Variants in SDCCAG8 observed in about 807,000 individuals in gnomAD.
SDCCAG8 encodes serologically defined colon cancer antigen 8.
In SDCCAG8, 74 loss-of-function variants were observed where a neutral mutation model predicts 101.8. The ratio of observed to expected loss-of-function variants is 0.73; its 90% CI spans 0.60 to 0.88. The LOEUF is 0.88. Ranked by LOEUF, SDCCAG8 falls within the 40% of genes least tolerant of loss-of-function variation. The pLI is 0.00. For missense variants in SDCCAG8, 787 were observed against 822.6 expected (o/e 0.96, Z 0.53); for synonymous variants, 281 against 292.9 (o/e 0.96, Z 0.41).
chr1:243,266,940 T>C, intron 1 of SDCCAG8, among the ~76,000 whole-genome samples: 1 of 48,394 alleles, frequency 2.1e-5, no homozygotes, highest in Non-Finnish European at 4.4e-5. Context: ...TGCAACTTCG[T>C]CTCAAAAAAA....
chr1:243,290,966 C>T (rs926731008), intron 5 of SDCCAG8, among the ~76,000 whole-genome samples: 6 of 152,162 alleles, frequency 3.9e-5, no homozygotes, highest in African/African-American at 1.4e-4. Flanking sequence ...TTTTGTCCTC[C>T]AAGCTCTTAG....
At chr1:243,464,207 C>T (rs1169387166) in intron 16 of SDCCAG8, among the ~76,000 whole-genome samples, 1 of 152,174 alleles carries the variant, frequency 6.6e-6, no homozygotes, top group African/African-American at 2.4e-5. Context: ...ATGTTGTTCA[C>T]TTAGGTTTTC....
chr1:243,499,808 A>G lies in SDCCAG8; in HGVS notation c.*23A>G. 6.2e-7 allele frequency: 1 copy of G among 1,608,900 alleles called. No homozygotes were observed. The highest frequency in any genetic ancestry group is 8.5e-7 in the Non-Finnish European group (1 of 1,175,850). On this transcript the variant is annotated 3_prime_UTR_variant, in exon 18 of 18. Transcript: ENST00000366541. ...TGACCTGGATGGAACAGAGTGAAAT[A>G]AATGATTTACAAAGAGATATTTACA... is the stretch of plus-strand genomic sequence containing the variant.
intron 16 of SDCCAG8, among the ~76,000 whole-genome samples, chr1:243,468,256 C>T (rs545783577): frequency 1.3e-5 from 2 of 148,562 alleles, no homozygotes; most frequent in Admixed American, 1.3e-4. Flanking sequence ...TCAGCTGTGT[C>T]ACCCAGGCTG....
Position 243,325,386 on chromosome 1 carries a change from GCTTT to G in SDCCAG8, c.1069-5151_1069-5148del, listed in dbSNP as rs540589307. Among the ~76,000 whole-genome samples the G allele has an allele frequency of 3.7e-3, 556 of 151,990 alleles. 1 individual carries two copies. Among genetic ancestry groups the G allele is most frequent in the African/African-American group, 0.013 (524 of 41,416 alleles). On this transcript the variant is annotated intron_variant, in intron 9 of 17. Transcript: ENST00000366541. Reference sequence around the variant, plus strand: ...TATGTTGAAACACACTAGAATTTTTGCTTTCTAAGTGCATTAAAAAGCCAGGTGG... The same window carrying G: ...TATGTTGAAACACACTAGAATTTTTGCTAAGTGCATTAAAAAGCCAGGTGG...
At chr1:243,394,236 T>A (rs1264124586) in intron 13 of SDCCAG8, among the ~76,000 whole-genome samples, 1 of 152,216 alleles carries the variant, frequency 6.6e-6, no homozygotes, top group East Asian at 1.9e-4. Context: ...ATAGGTGGTA[T>A]AACATAGCCA....
chr1:243,261,397 A>C (rs1474323731), intron 1 of SDCCAG8, among the ~76,000 whole-genome samples: 1 of 152,252 alleles, frequency 6.6e-6, no homozygotes, highest in Non-Finnish European at 1.5e-5. Context: ...AGGTACACAG[A>C]AAGTGAGAGG....
At chr1:243,311,966 A>T (rs2072768624) in intron 8 of SDCCAG8, among the ~76,000 whole-genome samples, 1 of 152,236 alleles carries the variant, frequency 6.6e-6, no homozygotes, top group Admixed American at 6.5e-5. Flanking sequence ...TTAGCCTCTT[A>T]AAGTAAATGT....
intron 12 of SDCCAG8, among the ~76,000 whole-genome samples, chr1:243,356,195 A>G (rs1259426588): frequency 6.6e-6 from 1 of 152,210 alleles, no homozygotes; most frequent in Non-Finnish European, 1.5e-5. Flanking sequence ...AAATATCTGT[A>G]TGTATTTTTA....
intron 16 of SDCCAG8, among the ~76,000 whole-genome samples, chr1:243,472,923 A>C (rs904062734): frequency 2.6e-5 from 4 of 152,246 alleles, no homozygotes; most frequent in African/African-American, 9.6e-5. Flanking sequence ...TCCACCAGAA[A>C]TTTCAGATAA....
chr1:243,316,191 G>A (rs1337700521), intron 8 of SDCCAG8, among the ~76,000 whole-genome samples: 2 of 152,228 alleles, frequency 1.3e-5, no homozygotes, highest in Admixed American at 6.5e-5. Context: ...ATAGCCAGGA[G>A]ATTGGAGGAG....
chr1:243,449,580 A>G (rs2083198205), intron 16 of SDCCAG8, among the ~76,000 whole-genome samples: 1 of 152,220 alleles, frequency 6.6e-6, no homozygotes, highest in Non-Finnish European at 1.5e-5. Context: ...TGTTCAAACC[A>G]AATATACTTA....
chr1:243,355,101 C>T lies in SDCCAG8; in HGVS notation c.1473+10770C>T, dbSNP rs139354153. Among the ~76,000 whole-genome samples, 522 of 152,282 alleles carry T rather than the reference C, an allele frequency of 3.4e-3. 2 individuals are homozygous for T. The highest frequency in any genetic ancestry group is 0.011 in the African/African-American group (471 of 41,562). Reference sequence around the variant, plus strand: ...AGAGTTTTCATATTACTCTTCTTAACAGATGGTCAAGTTAATTTAACTCTT... The same window carrying T: ...AGAGTTTTCATATTACTCTTCTTAATAGATGGTCAAGTTAATTTAACTCTT... On this transcript the variant is annotated intron_variant, in intron 12 of 17. Transcript: ENST00000366541.
chr1:243,388,240 A>C (rs554607030), intron 13 of SDCCAG8, among the ~76,000 whole-genome samples: 2 of 152,216 alleles, frequency 1.3e-5, no homozygotes, highest in Non-Finnish European at 2.9e-5. Context: ...GAATTTTGCT[A>C]ATTCTTTCAG....
intron 9 of SDCCAG8, among the ~76,000 whole-genome samples, chr1:243,321,782 G>A (rs1049843018): frequency 6.6e-6 from 1 of 152,114 alleles, no homozygotes; most frequent in African/African-American, 2.4e-5. Flanking sequence ...CCGAGTAGCT[G>A]GGATTACAGG....
intron 9 of SDCCAG8, chr1:243,318,057 G>C: frequency 2.2e-6 from 1 of 456,526 alleles, no homozygotes; most frequent in African/African-American, 2.0e-5. Context: ...AATAGCAAAC[G>C]TAAACGATGG....
intron 10 of SDCCAG8, among the ~76,000 whole-genome samples, chr1:243,337,799 C>A (rs1191008272): frequency 1.3e-5 from 2 of 152,120 alleles, no homozygotes; most frequent in Non-Finnish European, 2.9e-5. Context: ...AGCAGACAGA[C>A]TTTTATATAA....
chr1:243,492,052 C>A (rs1666558573), intron 17 of SDCCAG8, among the ~76,000 whole-genome samples: 1 of 152,094 alleles, frequency 6.6e-6, no homozygotes, highest in Admixed American at 6.5e-5. Context: ...TGGTGGGGCT[C>A]AGGCTGGCCT....
intron 16 of SDCCAG8, among the ~76,000 whole-genome samples, chr1:243,452,410 ATC>A (rs747336119): frequency 1.1e-5 from 1 of 92,612 alleles, no homozygotes; most frequent in African/African-American, 5.1e-5. Context: ...AGATGATCTC[ATC>A]TCTTTTTTTT....
Sources: allele counts gnomAD v4.1 joint callset (sites outside exome capture counted in the v4.1 genomes callset), GRCh38; gene constraint gnomAD v4.1.1; transcripts MANE v1.5; gene names NCBI Gene and HGNC (gene_info 2026-07-23, HGNC 2026-07-21).